Variants in LRRC31 observed in about 807,000 individuals in gnomAD.
LRRC31 encodes the protein leucine rich repeat containing 31.
A neutral mutation model predicts 46.7 loss-of-function variants in LRRC31; 35 were observed. That is an observed-to-expected ratio of 0.75 (90% CI 0.57 to 0.99). The LOEUF (loss-of-function observed/expected upper bound fraction) is 0.99. Ranked by LOEUF, LRRC31 falls within the 50% of genes least tolerant of loss-of-function variation. LRRC31 has a pLI of 0.00. For synonymous variants in LRRC31, 236 were observed against 235.1 expected (o/e 1.00, Z -0.03); for missense variants, 613 against 626.1 (o/e 0.98, Z 0.22).
At position 169,854,874 on chromosome 3, in the gene LRRC31, C is replaced by T; in HGVS notation, c.930G>A (p.Lys310=). 1 of 1,613,856 alleles carries T rather than the reference C, an allele frequency of 6.2e-7. No homozygotes were observed. Among genetic ancestry groups the T allele is most frequent in the Non-Finnish European group, 8.5e-7 (1 of 1,179,894 alleles). Residue 310 remains lysine (K), a synonymous_variant, in exon 6 of 9, where the codon AAG becomes AAA. Coordinates refer to ENST00000316428, the MANE Select transcript of LRRC31 (RefSeq NM_024727.4). ...GGTGAAGATCTAGGACTTGTAGATG[C>T]TTTAGCATGACCAACTGAGCCGGCG... is the stretch of plus-strand genomic sequence containing the variant. ...EDSPAQLVML[K]HLQVLDLHQC... is the part of the protein sequence containing the mutation.
At chr3:169,842,068 T>C (rs12494201) in intron 8 of LRRC31, among the ~76,000 whole-genome samples, 41,551 of 151,874 alleles carry the variant, frequency 0.27, 6,172 homozygotes, top group East Asian at 0.62. Context: ...ATAAAATACA[T>C]AAATAAATAA....
intron 1 of LRRC31, among the ~76,000 whole-genome samples, chr3:169,869,176 C>T (rs1238173516): frequency 1.3e-5 from 2 of 151,696 alleles, no homozygotes; most frequent in African/African-American, 4.8e-5. Flanking sequence ...TTCGAGACCA[C>T]CCTGGCCAAT....
chr3:169,866,076 C>G (rs574426720), intron 1 of LRRC31, among the ~76,000 whole-genome samples: 1 of 152,184 alleles, frequency 6.6e-6, no homozygotes, highest in African/African-American at 2.4e-5. Flanking sequence ...GAGGGCCATG[C>G]TTGGGAATAT....
intron 1 of LRRC31, among the ~76,000 whole-genome samples, chr3:169,862,119 G>A (rs903133060): frequency 8.5e-5 from 13 of 152,110 alleles, no homozygotes; most frequent in Non-Finnish European, 1.6e-4. Context: ...CTGTCAGCCC[G>A]GCTTTTGAGA....
At chr3:169,867,041 T>TTTTA in intron 1 of LRRC31, among the ~76,000 whole-genome samples, 1 of 126,972 alleles carries the variant, frequency 7.9e-6, no homozygotes, top group Non-Finnish European at 1.5e-5. Flanking sequence ...GCCATGGGTT[T>TTTTA]TTTTTGTTTG....
chr3:169,863,570 G>C (rs1781238423), intron 1 of LRRC31, among the ~76,000 whole-genome samples: 1 of 152,228 alleles, frequency 6.6e-6, no homozygotes, highest in Non-Finnish European at 1.5e-5. Flanking sequence ...ACGCGTCCTT[G>C]TTGGGATGCT....
intron 7 of LRRC31, among the ~76,000 whole-genome samples, chr3:169,850,687 A>G (rs953626041): frequency 9.9e-5 from 15 of 152,198 alleles, no homozygotes; most frequent in Non-Finnish European, 2.2e-4. Flanking sequence ...AAAATGGAAC[A>G]ATGGCACATG....
In LRRC31 at chr3:169,848,166, C is replaced by A. The variant is rs1479860572; in HGVS notation, c.1281G>T (p.Leu427=). The A allele has an allele frequency of 6.2e-7, 1 of 1,614,182 alleles. No homozygotes were observed. The highest frequency in any genetic ancestry group is 8.5e-7 in the Non-Finnish European group (1 of 1,180,024). The change falls in exon 8 of 9, where the codon CTG becomes CTT. Residue 427 remains leucine (L), a synonymous_variant. Transcript: ENST00000316428. The part of the protein sequence containing the change: ...TLKLSMSLQV[L]RLSSCSLVTE... ...TCACCAGGGAACAGCTGCTCAGCCT[C>A]AGCACTTGAAGAGACATGGAAAGCT...
At chr3:169,853,309 G>A in intron 6 of LRRC31, 3 of 985,090 alleles carry the variant, frequency 3.0e-6, no homozygotes, top group Non-Finnish European at 3.6e-6. Flanking sequence ...ACAGCGTAAA[G>A]TACAAAGCAG....
chr3:169,843,042 A>G (rs1379458092), intron 8 of LRRC31, among the ~76,000 whole-genome samples: 3 of 151,796 alleles, frequency 2.0e-5, no homozygotes, highest in Non-Finnish European at 4.4e-5. Flanking sequence ...TCCCAGAATT[A>G]GCTTAGGCTA....
In LRRC31 at chr3:169,860,577, G is replaced by T; in HGVS notation, c.471C>A (p.Asp157Glu). ...TCATCATACCCAGTGCTTGAACATC[G>T]TCAGTGGTGAGTCTGCAGCTACCCA... ...LRLGSCRLTT[D>E]DVQALGEAFE... The change falls in exon 3 of 9, where the codon GAC (aspartate) becomes GAA (glutamate). Residue 157 changes from aspartate to glutamate, a missense_variant. Physicochemically the swap from Asp to Glu is conservative, Grantham distance 45. Coordinates refer to ENST00000316428, the MANE Select transcript of LRRC31 (RefSeq NM_024727.4). The T allele has an allele frequency of 1.2e-6, 2 of 1,614,040 alleles. No homozygotes were observed. The highest frequency in any genetic ancestry group is 1.7e-6 in the Non-Finnish European group (2 of 1,179,984).
rs568127174 is a variant in LRRC31 at position 169,851,771 on chromosome 3, A to G, written c.1007T>C (p.Leu336Ser). Residue 336 changes from leucine (L) to serine (S), a missense_variant, in exon 7 of 9, where the codon TTA (leucine) becomes TCA (serine). Transcript: ENST00000316428. ...DVMSLTQVIP[L>S]LSNLQELDLS... ...ATCCAATTCTTGAAGATTTGAAAGT[A>G]AAGGAATGACCTGGGCTGTTAAAAA... is the stretch of plus-strand genomic sequence containing the variant. 22 of 1,614,162 alleles carry G rather than the reference A, an allele frequency of 1.4e-5. No homozygotes were observed. In the African/African-American group the frequency reaches 2.8e-4, roughly 21 times the overall value.
chr3:169,857,345 T>TATATATATAC lies in LRRC31; in HGVS notation c.488-474_488-473insGTATATATAT, dbSNP rs1491209579. The stretch of plus-strand genomic sequence containing the variant: ...ATATATATATATATATATATATATA[T>TATATATATAC]ACACACACACACACACACACACACA... On this transcript the variant is annotated intron_variant, in intron 3 of 8. Transcript: ENST00000316428. Among the ~76,000 whole-genome samples, 5 of 89,426 alleles carry TATATATATAC rather than the reference T, an allele frequency of 5.6e-5. No individual in the cohort carries two copies. In the East Asian group the frequency reaches 2.3e-3, roughly 42 times the overall value. 58.7% of individuals were successfully genotyped at this position (89,426 alleles called of 152,430 possible). A position where few individuals can be genotyped will look rare whatever the true frequency, so the allele number is the denominator to read the frequency against.
At chr3:169,869,604 A>G in intron 1 of LRRC31, 29 bp downstream of exon 1, 2 of 1,542,456 alleles carry the variant, frequency 1.3e-6, no homozygotes, top group Admixed American at 2.2e-5. Context: ...CAAATACAAC[A>G]GCAAAAACAC....
At chr3:169,864,168 C>T (rs1781257615) in intron 1 of LRRC31, among the ~76,000 whole-genome samples, 1 of 152,194 alleles carries the variant, frequency 6.6e-6, no homozygotes, top group African/African-American at 2.4e-5. Flanking sequence ...CTCCTCAAGA[C>T]ACTGCTCTGT....
At chr3:169,861,874 T>G (rs1781177924) in intron 1 of LRRC31, 61 bp from the exon 2 acceptor site, 68 of 1,524,430 alleles carry the variant, frequency 4.5e-5, no homozygotes, top group Non-Finnish European at 6.0e-5. Flanking sequence ...AGATGCATAA[T>G]GACCACAATC....
intron 8 of LRRC31, among the ~76,000 whole-genome samples, chr3:169,840,542 A>G (rs553126553): frequency 6.6e-6 from 1 of 151,520 alleles, no homozygotes; most frequent in Non-Finnish European, 1.5e-5. Flanking sequence ...CAACCCAATA[A>G]TTTTTTTTTG....
chr3:169,863,103 C>G (rs1440828532), intron 1 of LRRC31, among the ~76,000 whole-genome samples: 1 of 151,876 alleles, frequency 6.6e-6, no homozygotes, highest in Non-Finnish European at 1.5e-5. Context: ...AGGCTGGTCT[C>G]GAACTCCTGA....
Position 169,855,790 on chromosome 3 carries a change from A to T in LRRC31, c.823+546T>A, listed in dbSNP as rs17510356. On this transcript the variant is annotated intron_variant, in intron 5 of 8. Coordinates refer to ENST00000316428, the MANE Select transcript of LRRC31 (RefSeq NM_024727.4). ...AGAAACTTTATTTTTCCCAGTGTTT[A>T]TCTTAACCTAAAATATACTGGCCTT... Among the ~76,000 whole-genome samples, 295 of 152,334 alleles carry T rather than the reference A, an allele frequency of 1.9e-3. 1 individual carries two copies. The highest frequency in any genetic ancestry group is 2.8e-3 in the Non-Finnish European group (190 of 68,014).
Sources: allele counts gnomAD v4.1 joint callset (sites outside exome capture counted in the v4.1 genomes callset), GRCh38; gene constraint gnomAD v4.1.1; transcripts MANE v1.5; gene names NCBI Gene and HGNC (gene_info 2026-07-23, HGNC 2026-07-21).